TLE2: variants seen among roughly 807,000 people sequenced by gnomAD.
The protein encoded by TLE2 is transducin-like enhancer protein 2.
In TLE2, 74 loss-of-function variants were observed where a neutral mutation model predicts 97.2. The observed-to-expected ratio is 0.76, with a 90% CI of 0.63 to 0.92. The LOEUF (loss-of-function observed/expected upper bound fraction) is 0.92, where lower values mean the gene tolerates loss of function less well. Ranked by LOEUF, TLE2 falls within the 40% of genes least tolerant of loss-of-function variation. TLE2 has a pLI of 0.00. For missense variants in TLE2, 1,038 were observed against 1,008.7 expected (o/e 1.03, Z -0.39); for synonymous variants, 499 against 432.1 (o/e 1.15, Z -1.92).
chr19:3,041,726 C>T (rs1214730553), intron 1 of TLE2, among the ~76,000 whole-genome samples: 1 of 152,264 alleles, frequency 6.6e-6, no homozygotes, highest in Non-Finnish European at 1.5e-5. Context: ...CCGTGATACC[C>T]AAGCCTGGCA....
At chr19:3,007,911 C>G (rs189731299) in intron 14 of TLE2, among the ~76,000 whole-genome samples, 52 of 152,102 alleles carry the variant, frequency 3.4e-4, no homozygotes, top group African/African-American at 1.2e-3. Flanking sequence ...ATGGTGAAAC[C>G]CTGTCTCTAC....
chr19:3,001,630 T>C (rs2089361706), intron 18 of TLE2, among the ~76,000 whole-genome samples: 1 of 151,558 alleles, frequency 6.6e-6, no homozygotes, highest in South Asian at 2.1e-4. Flanking sequence ...GCACTACAGG[T>C]GCGACCTACT....
In TLE2 at chr19:2,997,923, GTCACAAC is replaced by G; in HGVS notation, c.2150_2156del (p.Ser717ThrfsTer10). 1 of 1,613,192 alleles carries G rather than the reference GTCACAAC, an allele frequency of 6.2e-7. No homozygotes were observed. Among genetic ancestry groups the G allele is most frequent in the Non-Finnish European group, 8.5e-7 (1 of 1,179,610 alleles). ...CGATGTATTTGTTATTTCTGGAGAT[GTCACAAC>G]TCAGGACTGAGGACGACTCCTTGGA... On this transcript the variant is annotated frameshift_variant, in exon 20 of 20. Transcript: ENST00000262953. LOFTEE classifies it high-confidence loss of function.
intron 4 of TLE2, chr19:3,025,417 C>G: frequency 1.4e-5 from 16 of 1,126,742 alleles, no homozygotes; most frequent in Non-Finnish European, 1.7e-5. Flanking sequence ...GACGCAGACA[C>G]TCAGAGGTGC....
At chr19:3,035,513 C>T (rs10404009) in intron 1 of TLE2, among the ~76,000 whole-genome samples, 22,917 of 150,862 alleles carry the variant, frequency 0.15, 4,142 homozygotes, top group African/African-American at 0.44. Flanking sequence ...TAGGGTTTTA[C>T]GTTGTGGATG....
At chr19:3,038,144 C>T (rs2090075082) in intron 1 of TLE2, among the ~76,000 whole-genome samples, 1 of 151,956 alleles carries the variant, frequency 6.6e-6, no homozygotes, top group Non-Finnish European at 1.5e-5. Flanking sequence ...ATAACAATAA[C>T]AATAATAATA....
chr19:3,022,747 A>T (rs1170230180), intron 5 of TLE2, among the ~76,000 whole-genome samples: 2 of 152,192 alleles, frequency 1.3e-5, no homozygotes, highest in South Asian at 4.1e-4. Context: ...GGATGCGGAT[A>T]CAGAGCTCCC....
intron 1 of TLE2, among the ~76,000 whole-genome samples, chr19:3,035,991 C>A (rs1445859278): frequency 1.3e-5 from 2 of 152,220 alleles, no homozygotes; most frequent in African/African-American, 4.8e-5. Context: ...AATATGCTAC[C>A]AGCTAGCTGG....
rs375192918 is a variant in TLE2 at position 3,006,561 on chromosome 19, C to T, written c.1359G>A (p.Thr453=). ...GIPRHARQLH[T]LAHGEVVCAV... is the part of the protein sequence containing the mutation. ...CGCAGACCACCTCGCCATGGGCCAG[C>T]GTGTGCAGCTGCCGGGCGTGCCGCG... The change falls in exon 15 of 20, where the codon ACG becomes ACA. Residue 453 remains threonine, a synonymous_variant. Transcript: ENST00000262953. 1.2e-6 allele frequency: 2 copies of T among 1,603,396 alleles called. No homozygotes were observed. The highest frequency in any genetic ancestry group is 1.8e-4 in the Middle Eastern group (1 of 5,692).
chr19:3,024,794 C>A (rs1265822406), intron 5 of TLE2, among the ~76,000 whole-genome samples: 1 of 152,238 alleles, frequency 6.6e-6, no homozygotes, highest in East Asian at 1.9e-4. Context: ...GGGAAAACAG[C>A]CCCCAGTCCT....
chr19:3,023,832 C>T (rs2145196096), intron 5 of TLE2, among the ~76,000 whole-genome samples: 1 of 151,244 alleles, frequency 6.6e-6, no homozygotes, highest in South Asian at 2.1e-4. Context: ...GTGGAGGTTG[C>T]AGTCAGCCAA....
intron 1 of TLE2, among the ~76,000 whole-genome samples, chr19:3,040,364 A>G (rs2090091352): frequency 6.6e-6 from 1 of 151,878 alleles, no homozygotes; most frequent in Non-Finnish European, 1.5e-5. Context: ...TTTTTTTAAG[A>G]CAGTCTCGCT....
rs1302136594 is a variant in TLE2, at chr19:3,000,734, G to T, written c.2048-11C>A. 6.4e-7 allele frequency: 1 copy of T among 1,573,338 alleles called. No individual in the cohort carries two copies. The highest frequency in any genetic ancestry group is 1.9e-5 in the Admixed American group (1 of 53,562). ...TCACAAACCACCGTCCTTGGGGAAG[G>T]AGAGCAGCAGGGTTCAAGGAGGGGG... On this transcript the variant is annotated splice_polypyrimidine_tract_variant and intron_variant, in intron 18 of 19. Transcript: ENST00000262953.
At chr19:3,017,444 C>CTTTT (rs2089734716) in intron 8 of TLE2, among the ~76,000 whole-genome samples, 1 of 117,708 alleles carries the variant, frequency 8.5e-6, no homozygotes. Context: ...TTTTTTTTTT[C>CTTTT]TTTCTTTCTT....
intron 4 of TLE2, chr19:3,025,310 G>T (rs2089923265): frequency 7.8e-7 from 1 of 1,274,668 alleles, no homozygotes; most frequent in African/African-American, 1.5e-5. Context: ...GAGCTGGGAA[G>T]ACCAGGGCTG....
At chr19:3,047,280 C>T (rs2090151352), upstream of TLE2, among the ~76,000 whole-genome samples, 1 of 145,812 alleles carries the variant, frequency 6.9e-6, no homozygotes, top group Non-Finnish European at 1.5e-5. Context: ...GGGGCGGCCG[C>T]GGCGGGGAGG....
intron 1 of TLE2, among the ~76,000 whole-genome samples, chr19:3,035,971 A>G (rs2090059836): frequency 6.6e-6 from 1 of 152,148 alleles, no homozygotes; most frequent in Non-Finnish European, 1.5e-5. Flanking sequence ...AAAACAAGGG[A>G]CCCTCGTGCA....
chr19:2,999,245 G>T (rs1290906449), intron 19 of TLE2, among the ~76,000 whole-genome samples: 1 of 151,986 alleles, frequency 6.6e-6, no homozygotes, highest in Non-Finnish European at 1.5e-5. Context: ...TTGCGCCACT[G>T]CACTCCAGGC....
intron 14 of TLE2, among the ~76,000 whole-genome samples, chr19:3,007,099 C>CT (rs1337515521): frequency 7.4e-6 from 1 of 134,870 alleles, no homozygotes; most frequent in Non-Finnish European, 1.6e-5. Flanking sequence ...GCGTTTGTTT[C>CT]TTTTTTGAGA....
Sources: gnomAD v4.1 joint callset for allele counts (sites outside exome capture counted in the v4.1 genomes callset) on GRCh38, gnomAD v4.1.1 for gene constraint, MANE v1.5 for transcripts, NCBI Gene and HGNC (gene_info 2026-07-23, HGNC 2026-07-21) for gene names.